PCDH15: variants seen among roughly 807,000 people sequenced by gnomAD.
PCDH15 encodes protocadherin-15.
In PCDH15, 129 loss-of-function variants were observed where a neutral mutation model predicts 178.5. That is an observed-to-expected ratio of 0.72 (90% CI 0.63 to 0.84). The LOEUF is 0.84. PCDH15 is among the 40% of genes least tolerant of loss of function. PCDH15 has a pLI of 0.00. For synonymous variants in PCDH15, 800 were observed against 732.0 expected (o/e 1.09, Z -1.50); for missense variants, 2,230 against 2,099.9 (o/e 1.06, Z -1.21).
intron 18 of PCDH15, among the ~76,000 whole-genome samples, chr10:54,030,371 C>CT (rs5785033): frequency 0.037 from 5,355 of 143,062 alleles, 130 homozygotes; most frequent in South Asian, 0.073. Flanking sequence ...CAATAGTTGT[C>CT]TTTTTTTTTT....
intron 2 of PCDH15, among the ~76,000 whole-genome samples, chr10:54,553,156 T>C (rs1484997829): frequency 6.6e-6 from 1 of 152,220 alleles, no homozygotes; most frequent in African/African-American, 2.4e-5. Context: ...GATTACAATG[T>C]ATTCCAATAA....
intron 3 of PCDH15, among the ~76,000 whole-genome samples, chr10:54,439,892 G>A (rs557636895): frequency 1.3e-5 from 2 of 152,078 alleles, no homozygotes; most frequent in South Asian, 4.1e-4. Context: ...GAACATTTAT[G>A]GGCAATAGGA....
At position 53,924,561 on chromosome 10, in the gene PCDH15, C is replaced by T. The variant is rs138139081; in HGVS notation, c.3373+14254G>A. 4.6e-3 allele frequency among the ~76,000 whole-genome samples: 706 copies of T among 152,304 alleles called. 9 individuals carry two copies. Among genetic ancestry groups the T allele is most frequent in the African/African-American group, 0.016 (686 of 41,578 alleles). On this transcript the variant is annotated intron_variant, in intron 25 of 37. Transcript: ENST00000644397. ...TCAACCGCCCAAGGGCTGAGGAGTG[C>T]GGGTGCACAGCGCCGGACTGGCGGG...
intron 2 of PCDH15, among the ~76,000 whole-genome samples, chr10:54,585,031 A>T (rs74396574): frequency 6.6e-6 from 1 of 152,158 alleles, no homozygotes; most frequent in East Asian, 1.9e-4. Context: ...CAAATTGTAC[A>T]TATAAAGTCT....
chr10:55,220,869 G>C (rs1275571847), intron 1 of PCDH15, among the ~76,000 whole-genome samples: 1 of 151,460 alleles, frequency 6.6e-6, no homozygotes, highest in South Asian at 2.1e-4. Flanking sequence ...TTTGTTTTTT[G>C]TTTTCTACAG....
chr10:54,647,075 C>T (rs777789024), intron 2 of PCDH15, among the ~76,000 whole-genome samples: 5 of 151,920 alleles, frequency 3.3e-5, no homozygotes, highest in East Asian at 1.9e-4. Context: ...AACCAAGGTG[C>T]GGAGACAACC....
chr10:55,309,169 T>G (rs1045218311), intron 1 of PCDH15, among the ~76,000 whole-genome samples: 1 of 152,184 alleles, frequency 6.6e-6, no homozygotes. Context: ...ATTTGCAAAT[T>G]TCAATTTTTA....
At chr10:55,381,232 G>A (rs1178274774) in intron 2 of PCDH15, among the ~76,000 whole-genome samples, 1 of 152,128 alleles carries the variant, frequency 6.6e-6, no homozygotes, top group Non-Finnish European at 1.5e-5. Context: ...AAAGGGTCCT[G>A]TAGACAGAAT....
chr10:55,571,898 T>C (rs1842412901), intron 2 of PCDH15, among the ~76,000 whole-genome samples: 1 of 152,092 alleles, frequency 6.6e-6, no homozygotes, highest in Admixed American at 6.6e-5. Flanking sequence ...TGCAAAGCAA[T>C]AAAAGTGTGT....
At chr10:53,936,142 A>G (rs2085552622) in intron 25 of PCDH15, among the ~76,000 whole-genome samples, 1 of 152,214 alleles carries the variant, frequency 6.6e-6, no homozygotes, top group Admixed American at 6.5e-5. Context: ...TTCTTGCACA[A>G]ATAAATATCA....
At chr10:55,565,581 C>T (rs938687649) in intron 2 of PCDH15, among the ~76,000 whole-genome samples, 15 of 151,504 alleles carry the variant, frequency 9.9e-5, no homozygotes, top group African/African-American at 3.4e-4. Flanking sequence ...AGATCAACAA[C>T]GTTAGTAAAC....
chr10:55,403,761 C>A (rs892025997), intron 2 of PCDH15, among the ~76,000 whole-genome samples: 1 of 151,850 alleles, frequency 6.6e-6, no homozygotes. Context: ...AGTATGATGC[C>A]CCATTTCTGT....
chr10:54,332,216 A>T (rs1415819833), intron 6 of PCDH15, among the ~76,000 whole-genome samples: 1 of 114,050 alleles, frequency 8.8e-6, no homozygotes, highest in Non-Finnish European at 1.8e-5. Context: ...AATCATCTTT[A>T]ATTTAGTTTT....
chr10:54,175,634 A>G (rs10763079), intron 13 of PCDH15, among the ~76,000 whole-genome samples: 66,513 of 151,926 alleles, frequency 0.44, 16,269 homozygotes, highest in African/African-American at 0.64. Flanking sequence ...CTGAGGTACA[A>G]AAGGTTATGT....
chr10:54,333,186 G>A (rs1564992519), intron 6 of PCDH15, among the ~76,000 whole-genome samples: 2 of 151,976 alleles, frequency 1.3e-5, no homozygotes, highest in Non-Finnish European at 1.5e-5. Flanking sequence ...GACCTCAAGG[G>A]TATGCCCACC....
chr10:54,332,195 C>T (rs1473345193), intron 6 of PCDH15, among the ~76,000 whole-genome samples: 1 of 137,032 alleles, frequency 7.3e-6, no homozygotes, highest in South Asian at 2.2e-4. Flanking sequence ...AATAAATTAC[C>T]TTTTTGGTTA....
At chr10:54,775,777 C>A (rs375544254) in intron 1 of PCDH15, among the ~76,000 whole-genome samples, 7 of 152,060 alleles carry the variant, frequency 4.6e-5, no homozygotes, top group Non-Finnish European at 1.0e-4. Context: ...CCCAGCTACT[C>A]GGAGAGGCTG....
At chr10:55,379,956 G>C (rs1837493375) in intron 2 of PCDH15, among the ~76,000 whole-genome samples, 1 of 151,898 alleles carries the variant, frequency 6.6e-6, no homozygotes, top group Non-Finnish European at 1.5e-5. Flanking sequence ...ACTAACCAAA[G>C]AATAAAACAC....
chr10:54,012,529 A>G (rs1341375170), intron 20 of PCDH15, among the ~76,000 whole-genome samples: 3 of 152,112 alleles, frequency 2.0e-5, no homozygotes, highest in Non-Finnish European at 2.9e-5. Context: ...AGAAAAAAAT[A>G]TAAAGGCAGC....
Sources: gnomAD v4.1 joint callset for allele counts (sites outside exome capture counted in the v4.1 genomes callset) on GRCh38, gnomAD v4.1.1 for gene constraint, MANE v1.5 for transcripts, NCBI Gene and HGNC (gene_info 2026-07-23, HGNC 2026-07-21) for gene names.